RNF17: variants seen among roughly 807,000 people sequenced by gnomAD.
The protein encoded by RNF17 is spermatogenesis associated 23.
RNF17 carries 31 observed loss-of-function variants against 200.5 expected under a neutral mutation model. The ratio of observed to expected loss-of-function variants is 0.15; its 90% CI spans 0.12 to 0.21. The LOEUF is 0.21. RNF17 is among the 10% of genes least tolerant of loss of function. The probability of loss-of-function intolerance (pLI) is 1.00; values close to 1 mark genes in which losing one functional copy is unlikely to be tolerated. For synonymous variants in RNF17, 606 were observed against 637.8 expected (o/e 0.95, Z 0.75); for missense variants, 1,628 against 1,905.1 (o/e 0.85, Z 2.71).
intron 6 of RNF17, among the ~76,000 whole-genome samples, chr13:24,782,678 CA>C (rs1293867709): frequency 6.7e-6 from 1 of 150,168 alleles, no homozygotes; most frequent in African/African-American, 2.4e-5. Context: ...CTGTACAAAA[CA>C]AAAAAAAATC....
In RNF17 at chr13:24,789,393, G is replaced by A. The variant is rs1341753807; in HGVS notation, c.829G>A (p.Val277Ile). 6.2e-7 allele frequency: 1 copy of A among 1,605,996 alleles called. No homozygotes were observed. The highest frequency in any genetic ancestry group is 2.2e-5 in the East Asian group (1 of 44,664). The change falls in exon 8 of 36, where the codon GTT (valine) becomes ATT (isoleucine). Residue 277 changes from valine (V) to isoleucine (I), a missense_variant. By Grantham distance (29) the Val-to-Ile change is conservative (BLOSUM62 3). Coordinates refer to ENST00000255324, the MANE Select transcript of RNF17 (RefSeq NM_031277.3). The stretch of plus-strand genomic sequence containing the variant: ...AACTTCAGATAGTGAATTAGCACAA[G>A]TTAGTTCTCCACAACTAAGGAACCC... ...QLTSDSELAQ[V>I]SSPQLRNPPR...
At position 24,861,679 on chromosome 13, in the gene RNF17, T is replaced by C. The variant is rs555411541; in HGVS notation, c.3894+292T>C. ...AATGAAATTACAACAAACTTGAAGC[T>C]GGAGATCAGATAAAAGAGTGTCTTA... is the stretch of plus-strand genomic sequence containing the variant. On this transcript the variant is annotated intron_variant, in intron 27 of 35. Coordinates refer to ENST00000255324, the MANE Select transcript of RNF17 (RefSeq NM_031277.3). 1.4e-4 allele frequency among the ~76,000 whole-genome samples: 22 copies of C among 152,346 alleles called. 1 individual carries two copies. Among genetic ancestry groups the C allele is most frequent in the Admixed American group, 1.4e-3 (21 of 15,304 alleles).
chr13:24,766,948 C>T (rs1268440453), intron 1 of RNF17, among the ~76,000 whole-genome samples: 1 of 152,178 alleles, frequency 6.6e-6, no homozygotes, highest in Non-Finnish European at 1.5e-5. Flanking sequence ...AATAAGTCAA[C>T]CATTTCAAAC....
intron 32 of RNF17, among the ~76,000 whole-genome samples, chr13:24,871,319 T>A (rs1310857813): frequency 6.6e-6 from 1 of 152,218 alleles, no homozygotes; most frequent in Non-Finnish European, 1.5e-5. Context: ...CAGCTTAATG[T>A]CTTACCTGTA....
rs1895163292 is a variant in RNF17, at chr13:24,879,085, CCT to C, written c.4774-101_4774-100del. 4 of 777,596 alleles carry C rather than the reference CCT, an allele frequency of 5.1e-6. 1 individual carries two copies. In the African/African-American group the frequency reaches 7.0e-5, roughly 14 times the overall value. 48.2% of individuals were successfully genotyped at this position (777,596 alleles called of 1,614,324 possible). Reference sequence around the variant, plus strand: ...ATAGAGCATAAATTATCAATAGGCCCCTGAGAACACCTTTTCACACCCGTGTG... The same window carrying C: ...ATAGAGCATAAATTATCAATAGGCCCGAGAACACCTTTTCACACCCGTGTG... On this transcript the variant is annotated intron_variant, in intron 34 of 35. Transcript: ENST00000255324.
Position 24,832,256 on chromosome 13 carries a change from G to T in RNF17, c.2482+278G>T, listed in dbSNP as rs985065757. Among the ~76,000 whole-genome samples the T allele has an allele frequency of 2.0e-4, 30 of 152,130 alleles. 1 individual carries two copies. Among genetic ancestry groups the T allele is most frequent in the Non-Finnish European group, 5.9e-5 (4 of 68,034 alleles). On this transcript the variant is annotated intron_variant, in intron 18 of 35. Transcript: ENST00000255324. Reference sequence around the variant, plus strand: ...TTTTATTTGTTTGCATTTTTGCTAGGGCTCTGTCCTTGTCCTTAACATAGT... The same window carrying T: ...TTTTATTTGTTTGCATTTTTGCTAGTGCTCTGTCCTTGTCCTTAACATAGT...
At chr13:24,809,236 G>T (rs1328701759) in intron 15 of RNF17, among the ~76,000 whole-genome samples, 57 of 150,248 alleles carry the variant, frequency 3.8e-4, no homozygotes, top group African/African-American at 1.2e-3. Context: ...GTTCCTCCTT[G>T]TACCTCTGGT....
chr13:24,857,264 G>A (rs1197539035), intron 25 of RNF17, among the ~76,000 whole-genome samples: 2 of 152,178 alleles, frequency 1.3e-5, no homozygotes, highest in East Asian at 3.8e-4. Context: ...TTGTGCATCT[G>A]TAAACCTTGG....
At chr13:24,794,420 TC>T (rs1884282224) in intron 10 of RNF17, 1 of 311,474 alleles carries the variant, frequency 3.2e-6, no homozygotes, top group African/African-American at 2.3e-5. Flanking sequence ...ACACCTGTAA[TC>T]CCAGCACTTT....
intron 15 of RNF17, among the ~76,000 whole-genome samples, chr13:24,806,180 C>A (rs1241014819): frequency 6.6e-6 from 1 of 152,074 alleles, no homozygotes; most frequent in Non-Finnish European, 1.5e-5. Flanking sequence ...AATGTCCCTG[C>A]AAAGGATGTG....
intron 23 of RNF17, 83 bp downstream of exon 23, chr13:24,850,526 T>G: frequency 1.1e-6 from 1 of 914,032 alleles, no homozygotes; most frequent in Non-Finnish European, 1.7e-6. Context: ...GTAGAGAAAA[T>G]AGCAGCCAAC....
chr13:24,870,103 G>A (rs1010824513), intron 31 of RNF17, among the ~76,000 whole-genome samples: 10 of 151,498 alleles, frequency 6.6e-5, no homozygotes, highest in African/African-American at 2.4e-4. Context: ...CACCACACGC[G>A]GCTAATTTTT....
intron 16 of RNF17, among the ~76,000 whole-genome samples, chr13:24,828,000 A>T (rs1459290517): frequency 1.3e-5 from 2 of 152,188 alleles, no homozygotes; most frequent in African/African-American, 2.4e-5. Context: ...ATTAGGGATT[A>T]AGTTTCAACA....
intron 6 of RNF17, among the ~76,000 whole-genome samples, chr13:24,784,737 C>T (rs536045627): frequency 5.9e-5 from 9 of 152,016 alleles, no homozygotes; most frequent in South Asian, 2.1e-4. Context: ...GATGGATTCT[C>T]GCTCTGTCAC....
chr13:24,789,006 A>G (rs904521055), intron 7 of RNF17, among the ~76,000 whole-genome samples: 1 of 152,192 alleles, frequency 6.6e-6, no homozygotes, highest in Non-Finnish European at 1.5e-5. Flanking sequence ...AGGTGATGAA[A>G]AAAATGATAA....
At chr13:24,770,198 A>G (rs1880465145) in intron 2 of RNF17, among the ~76,000 whole-genome samples, 1 of 152,182 alleles carries the variant, frequency 6.6e-6, no homozygotes, top group South Asian at 2.1e-4. Flanking sequence ...TTGGATAGGA[A>G]AGCATTGATA....
chr13:24,803,775 A>G (rs943704838), intron 14 of RNF17: 13 of 153,946 alleles, frequency 8.4e-5, no homozygotes, highest in African/African-American at 3.1e-4. Flanking sequence ...CAAAAAATAG[A>G]AGCAGCTTTG....
chr13:24,792,077 CTT>C (rs1193021350), intron 9 of RNF17, among the ~76,000 whole-genome samples: 1 of 152,140 alleles, frequency 6.6e-6, no homozygotes, highest in African/African-American at 2.4e-5. Context: ...TGTGACTTGA[CTT>C]TATGCTTACA....
In RNF17 at chr13:24,859,005, T is replaced by G; in HGVS notation, c.3615T>G (p.Phe1205Leu). The part of the protein sequence containing the change: ...TIFVVPKLSE[F>L]ELIKMTNEIQ... Reference sequence around the variant, plus strand: ...ATCTTTAATACTTTTTTTCAGAATTTGAGCTAATAAAAATGACAAATGAAA... The same window carrying G: ...ATCTTTAATACTTTTTTTCAGAATTGGAGCTAATAAAAATGACAAATGAAA... The change falls in exon 26 of 36, where the codon TTT (phenylalanine) becomes TTG (leucine). Residue 1205 changes from phenylalanine (F) to leucine (L), a missense_variant. By Grantham distance (22) the Phe-to-Leu change is conservative. Around this residue, in one of 5 missense-constraint regions of RNF17, gnomAD observed 609 missense variants for 681.9 expected, o/e 0.89. Transcript: ENST00000255324. 4 of 1,564,406 alleles carry G rather than the reference T, an allele frequency of 2.6e-6. No homozygotes were observed. The highest frequency in any genetic ancestry group is 3.5e-6 in the Non-Finnish European group (4 of 1,140,678).
Sources: gnomAD v4.1 joint callset for allele counts (sites outside exome capture counted in the v4.1 genomes callset) on GRCh38, gnomAD v4.1.1 for gene constraint, gnomAD v4.1.1 regional missense constraint, MANE v1.5 for transcripts, NCBI Gene and HGNC (gene_info 2026-07-23, HGNC 2026-07-21) for gene names.